Variants in CADPS2 observed in about 807,000 individuals in gnomAD.
CADPS2 encodes calcium-dependent secretion activator 2.
In CADPS2, 93 loss-of-function variants were observed where a neutral mutation model predicts 172.5. That is an observed-to-expected ratio of 0.54 (90% CI 0.46 to 0.64). CADPS2 has a LOEUF of 0.64. CADPS2 is among the 30% of genes least tolerant of loss of function. CADPS2 has a pLI of 0.00. For missense variants in CADPS2, 1,420 were observed against 1,565.9 expected, an observed-to-expected ratio of 0.91 and a Z score of 1.57; for synonymous variants, 546 against 555.2, an observed-to-expected ratio of 0.98 and a Z score of 0.23.
intron 2 of CADPS2, among the ~76,000 whole-genome samples, chr7:122,699,706 T>A (rs2085720195): frequency 6.6e-6 from 1 of 152,196 alleles, no homozygotes. Flanking sequence ...ACTGTACAAA[T>A]GTAGTAAGAC....
intron 7 of CADPS2, among the ~76,000 whole-genome samples, chr7:122,558,976 C>G (rs1047513544): frequency 1.3e-5 from 2 of 152,180 alleles, no homozygotes; most frequent in African/African-American, 2.4e-5. Context: ...AGACAATTCA[C>G]TACCTTCTCC....
At chr7:122,860,615 G>GA (rs1162638848) in intron 1 of CADPS2, among the ~76,000 whole-genome samples, 1 of 151,850 alleles carries the variant, frequency 6.6e-6, no homozygotes, top group Non-Finnish European at 1.5e-5. Flanking sequence ...ATTTAAGAAA[G>GA]AAAAAACAGG....
chr7:122,693,091 TC>T (rs1427889061), intron 2 of CADPS2, among the ~76,000 whole-genome samples: 2 of 152,204 alleles, frequency 1.3e-5, no homozygotes, highest in Admixed American at 6.5e-5. Context: ...CCTCAGCCTG[TC>T]CTTGACCAAA....
intron 1 of CADPS2, among the ~76,000 whole-genome samples, chr7:122,774,094 AAAAGAG>A (rs1176014576): frequency 2.6e-5 from 4 of 152,094 alleles, no homozygotes; most frequent in Non-Finnish European, 5.9e-5. Flanking sequence ...TTTAAAATAA[AAAAGAG>A]AAAGAATAAC....
intron 2 of CADPS2, among the ~76,000 whole-genome samples, chr7:122,678,181 A>T (rs2082583416): frequency 6.6e-6 from 1 of 152,230 alleles, no homozygotes; most frequent in Non-Finnish European, 1.5e-5. Flanking sequence ...TCATGAATTC[A>T]AAGTGAAAAA....
chr7:122,527,580 A>AAGAGAGAGAGAGAGAG (rs1192583104), intron 8 of CADPS2, among the ~76,000 whole-genome samples: 5 of 85,514 alleles, frequency 5.8e-5, no homozygotes, highest in East Asian at 6.1e-4. Context: ...GATAATACTG[A>AAGAGAGAGAGAGAGAG]ATAGAGAGAG....
chr7:122,812,721 A>G (rs1240394752), intron 1 of CADPS2, among the ~76,000 whole-genome samples: 1 of 152,154 alleles, frequency 6.6e-6, no homozygotes, highest in Non-Finnish European at 1.5e-5. Context: ...GACTCTCTCC[A>G]CCGTGCTCCC....
chr7:122,481,466 C>T lies in CADPS2; in HGVS notation c.1853-606G>A, dbSNP rs760825796. ...GTTAGAAACAGATGATAGGGCTGGG[C>T]GCTGTGGCTCATGCCTGTAATCCCA... On this transcript the variant is annotated intron_variant, in intron 11 of 29. Transcript: ENST00000449022. Among the ~76,000 whole-genome samples the T allele has an allele frequency of 4.6e-5, 7 of 152,050 alleles. No individual in the cohort carries two copies. In the South Asian group the frequency reaches 6.2e-4, roughly 14 times the overall value.
chr7:122,882,614 A>AC (rs1349348491), intron 1 of CADPS2, among the ~76,000 whole-genome samples: 1 of 127,124 alleles, frequency 7.9e-6, no homozygotes, highest in Non-Finnish European at 1.6e-5. Flanking sequence ...CCACCAAGGA[A>AC]CCCTTTTTTT....
chr7:122,404,583 G>A (rs982674845), intron 20 of CADPS2, among the ~76,000 whole-genome samples: 2 of 152,112 alleles, frequency 1.3e-5, no homozygotes, highest in African/African-American at 4.8e-5. Flanking sequence ...CTTCCACAAT[G>A]GTTGAACTAG....
chr7:122,471,314 T>A (rs963921294), intron 14 of CADPS2, 61 bp downstream of exon 14: 1 of 1,383,812 alleles, frequency 7.2e-7, no homozygotes, highest in South Asian at 1.5e-5. Context: ...CAAAGCACAT[T>A]TTTCTCTCTT....
At chr7:122,726,256 C>A (rs914619371) in intron 2 of CADPS2, among the ~76,000 whole-genome samples, 1 of 151,952 alleles carries the variant, frequency 6.6e-6, no homozygotes, top group Non-Finnish European at 1.5e-5. Context: ...AAATTATCCT[C>A]CCAATAAGTA....
intron 1 of CADPS2, among the ~76,000 whole-genome samples, chr7:122,740,928 T>C (rs1330575533): frequency 6.6e-6 from 1 of 152,114 alleles, no homozygotes; most frequent in Non-Finnish European, 1.5e-5. Flanking sequence ...ATTAAAACTG[T>C]ATGAGAAGCC....
chr7:122,564,030 T>C (rs562888277), intron 7 of CADPS2, among the ~76,000 whole-genome samples: 2 of 152,054 alleles, frequency 1.3e-5, no homozygotes, highest in South Asian at 4.1e-4. Flanking sequence ...TTAAGTATAA[T>C]AAAAATATTC....
At chr7:122,699,384 G>C (rs2085664753) in intron 2 of CADPS2, among the ~76,000 whole-genome samples, 1 of 152,094 alleles carries the variant, frequency 6.6e-6, no homozygotes, top group Non-Finnish European at 1.5e-5. Flanking sequence ...GAAAGCACAT[G>C]TAAGAATGTT....
At chr7:122,756,249 G>A (rs2093156317) in intron 1 of CADPS2, among the ~76,000 whole-genome samples, 2 of 152,118 alleles carry the variant, frequency 1.3e-5, no homozygotes, top group Non-Finnish European at 2.9e-5. Context: ...TATGTACCAA[G>A]TTTATGAATT....
rs2042728441 is a variant in CADPS2 at position 122,379,355 on chromosome 7, A to C, written c.3387+13T>G. The C allele has an allele frequency of 6.6e-7, 1 of 1,524,418 alleles. No individual in the cohort carries two copies. Among genetic ancestry groups the C allele is most frequent in the Non-Finnish European group, 9.0e-7 (1 of 1,112,254 alleles). 94.4% of individuals were successfully genotyped at this position (1,524,418 alleles called of 1,614,324 possible). ...TCACTTTGATTTAAAAAGGTGAATA[A>C]ATAATACATTACCTTTGAAACTAAC... is the stretch of plus-strand genomic sequence containing the variant. On this transcript the variant is annotated intron_variant, in intron 25 of 29. Coordinates refer to ENST00000449022, the MANE Select transcript of CADPS2 (RefSeq NM_017954.11).
chr7:122,661,512 C>CT (rs760153954), intron 3 of CADPS2, among the ~76,000 whole-genome samples: 10 of 152,032 alleles, frequency 6.6e-5, no homozygotes, highest in Admixed American at 3.3e-4. Context: ...CTTATAATAT[C>CT]TTTGTGTTTT....
intron 27 of CADPS2, among the ~76,000 whole-genome samples, 175 bp from the exon 28 acceptor site, chr7:122,345,856 T>C (rs961510682): frequency 6.6e-6 from 1 of 151,204 alleles, no homozygotes; most frequent in Non-Finnish European, 1.5e-5. Context: ...AATAAAAGTT[T>C]ATTACTGATG....
Sources: gnomAD v4.1 joint callset for allele counts (sites outside exome capture counted in the v4.1 genomes callset) on GRCh38, gnomAD v4.1.1 for gene constraint, MANE v1.5 for transcripts, NCBI Gene and HGNC (gene_info 2026-07-23, HGNC 2026-07-21) for gene names.